Variants in ST6GAL1 observed in about 807,000 individuals in gnomAD.
ST6GAL1 encodes beta-galactoside alpha-2,6-sialyltransferase 1.
In ST6GAL1, 20 loss-of-function variants were observed where a neutral mutation model predicts 38.0. That is an observed-to-expected ratio of 0.53 (90% CI 0.37 to 0.77). The LOEUF is 0.77. ST6GAL1 is among the 30% of genes least tolerant of loss of function. The pLI, the probability that ST6GAL1 is intolerant of heterozygous loss-of-function variation, is 0.00. For missense variants in ST6GAL1, 432 were observed against 496.4 expected, an observed-to-expected ratio of 0.87 and a Z score of 1.23; for synonymous variants, 196 against 188.2, an observed-to-expected ratio of 1.04 and a Z score of -0.34.
chr3:187,045,104 A>C (rs1718249858), intron 4 of ST6GAL1, among the ~76,000 whole-genome samples: 1 of 152,214 alleles, frequency 6.6e-6, no homozygotes, highest in Non-Finnish European at 1.5e-5. Context: ...TTCCTCCTGC[A>C]TCTGGAATTT....
chr3:187,033,166 C>A (rs879738732), intron 2 of ST6GAL1, among the ~76,000 whole-genome samples: 18 of 152,224 alleles, frequency 1.2e-4, no homozygotes, highest in Non-Finnish European at 2.6e-4. Context: ...GTAATCCTAG[C>A]ACTTTGGGAG....
chr3:186,940,198 C>T (rs1714114364), intron 1 of ST6GAL1, among the ~76,000 whole-genome samples: 1 of 152,158 alleles, frequency 6.6e-6, no homozygotes, highest in South Asian at 2.1e-4. Context: ...CAACTCTCAG[C>T]CCTGTGCAGC....
intron 5 of ST6GAL1, chr3:187,064,636 T>A (rs1320406741): frequency 2.2e-6 from 1 of 456,450 alleles, no homozygotes; most frequent in South Asian, 1.5e-5. Context: ...CTCTCTTTTC[T>A]CACCTCCTGT....
intron 2 of ST6GAL1, among the ~76,000 whole-genome samples, chr3:187,032,257 G>A (rs1717777865): frequency 6.6e-6 from 1 of 152,182 alleles, no homozygotes; most frequent in Non-Finnish European, 1.5e-5. Context: ...GGGAGGAAGA[G>A]CTGGGATTGA....
At chr3:186,980,603 C>CAAAAAAAAAAA (rs34503745) in intron 2 of ST6GAL1, among the ~76,000 whole-genome samples, 5 of 92,170 alleles carry the variant, frequency 5.4e-5, no homozygotes, top group Non-Finnish European at 6.2e-5. Flanking sequence ...ACTAAAATTA[C>CAAAAAAAAAAA]AAAAAAAAAA....
chr3:187,076,475 C>T lies in ST6GAL1; in HGVS notation c.*672C>T, dbSNP rs994677633. 8 of 193,532 alleles carry T rather than the reference C, an allele frequency of 4.1e-5. No homozygotes were observed. The highest frequency in any genetic ancestry group is 1.4e-4 in the African/African-American group (6 of 42,918). 12.0% of individuals were successfully genotyped at this position (193,532 alleles called of 1,614,324 possible). A position where few individuals can be genotyped will look rare whatever the true frequency, so the allele number is the denominator to read the frequency against. On this transcript the variant is annotated 3_prime_UTR_variant, in exon 8 of 8. Transcript: ENST00000169298. ...GGTAGAGAAGGATACAGTGTCTATC[C>T]TCAAGTTGCTACGGTTCAGTGAGAG...
chr3:186,971,923 A>G (rs1234062195), intron 2 of ST6GAL1, among the ~76,000 whole-genome samples: 1 of 152,228 alleles, frequency 6.6e-6, no homozygotes, highest in Non-Finnish European at 1.5e-5. Context: ...CATGGCCTCA[A>G]GCCTTCCCTA....
At chr3:186,963,723 TGTATTAAC>T (rs1715005829) in intron 1 of ST6GAL1, 54 bp from the exon 2 acceptor site, 1 of 152,252 alleles carries the variant, frequency 6.6e-6, no homozygotes, top group Non-Finnish European at 1.5e-5. Context: ...TCCTCCTGAA[TGTATTAAC>T]GTATGTGCTT....
At chr3:187,067,492 G>C (rs1415811612) in intron 5 of ST6GAL1, among the ~76,000 whole-genome samples, 1 of 151,270 alleles carries the variant, frequency 6.6e-6, no homozygotes, top group African/African-American at 2.4e-5. Context: ...TTCCAGGAGG[G>C]GAGTGCTTGC....
chr3:187,043,084 G>A lies in ST6GAL1; in HGVS notation c.381G>A (p.Lys127=), dbSNP rs1044698207. 6.2e-7 allele frequency: 1 copy of A among 1,614,192 alleles called. No homozygotes were observed. The highest frequency in any genetic ancestry group is 1.1e-5 in the South Asian group (1 of 91,082). ...LSMNKYKVSY[K]GPGPGIKFSA... Reference sequence around the variant, plus strand: ...TGAACAAGTACAAAGTGTCCTACAAGGGGCCAGGACCAGGCATCAAGTTCA... The same window carrying A: ...TGAACAAGTACAAAGTGTCCTACAAAGGGCCAGGACCAGGCATCAAGTTCA... Residue 127 remains lysine (K), a synonymous_variant, in exon 4 of 8, where the codon AAG becomes AAA. Coordinates refer to ENST00000169298, the MANE Select transcript of ST6GAL1 (RefSeq NM_173216.2).
rs912950727 is a variant in ST6GAL1 at position 186,997,281 on chromosome 3, T to C, written c.-183+33355T>C. ...CAATGACCAGGGTGTCACCCCCTGT[T>C]TTGTAAGTGACAAAACTGTCACTCA... On this transcript the variant is annotated intron_variant, in intron 2 of 7. Transcript: ENST00000169298. Among the ~76,000 whole-genome samples, 4 of 152,068 alleles carry C rather than the reference T, an allele frequency of 2.6e-5. 1 individual carries two copies. The highest frequency in any genetic ancestry group is 9.7e-5 in the African/African-American group (4 of 41,400).
intron 2 of ST6GAL1, chr3:186,996,680 C>G (rs192082019): frequency 6.6e-6 from 1 of 152,268 alleles, no homozygotes; most frequent in African/African-American, 2.4e-5. Flanking sequence ...CCAGGTATCT[C>G]TGGTGACAGG....
chr3:187,040,203 G>T (rs550947816), intron 3 of ST6GAL1, among the ~76,000 whole-genome samples: 1 of 152,326 alleles, frequency 6.6e-6, no homozygotes. Context: ...AATCTGCTGT[G>T]CTTATCTCAC....
At chr3:186,998,529 G>A (rs1472710352) in intron 2 of ST6GAL1, among the ~76,000 whole-genome samples, 1 of 152,136 alleles carries the variant, frequency 6.6e-6, no homozygotes, top group Non-Finnish European at 1.5e-5. Context: ...GGAAGAGGAG[G>A]GATTGGGTTT....
intron 4 of ST6GAL1, among the ~76,000 whole-genome samples, chr3:187,049,282 T>C (rs1340889352): frequency 2.6e-5 from 4 of 152,230 alleles, no homozygotes; most frequent in African/African-American, 7.2e-5. Context: ...GCATTAAAGC[T>C]GAGAAGAAGA....
chr3:186,936,428 T>C (rs1713954443), intron 1 of ST6GAL1, among the ~76,000 whole-genome samples: 1 of 152,182 alleles, frequency 6.6e-6, no homozygotes, highest in South Asian at 2.1e-4. Context: ...TAGAGGCAAA[T>C]GAATTTTTTC....
rs764091061 is a variant in ST6GAL1, at chr3:187,075,846, G to A, written c.*43G>A. 1 of 1,607,094 alleles carries A rather than the reference G, an allele frequency of 6.2e-7. No individual in the cohort carries two copies. Among genetic ancestry groups the A allele is most frequent in the South Asian group, 1.1e-5 (1 of 90,674 alleles). On this transcript the variant is annotated 3_prime_UTR_variant, in exon 8 of 8. Transcript: ENST00000169298. This position sits in a 1 kb window ranked among gnomAD's most constrained non-coding sequence, Gnocchi z 4.1. Reference sequence around the variant, plus strand: ...TTCTCCATCAGGCATTAAATGAATGGTCTCTTGGCCACCCCAGCCTGGGAA... The same window carrying A: ...TTCTCCATCAGGCATTAAATGAATGATCTCTTGGCCACCCCAGCCTGGGAA...
At chr3:187,059,067 C>A (rs7650237) in intron 5 of ST6GAL1, among the ~76,000 whole-genome samples, 15,057 of 152,080 alleles carry the variant, frequency 0.099, 2,505 homozygotes, top group African/African-American at 0.34. Context: ...ATAGCAATAG[C>A]CGGGCACTCC....
intron 2 of ST6GAL1, among the ~76,000 whole-genome samples, chr3:186,996,219 C>G (rs1406779396): frequency 6.6e-6 from 1 of 152,156 alleles, no homozygotes; most frequent in Admixed American, 6.6e-5. Context: ...CCAAGAAACT[C>G]TGTGTATTTG....
Sources: gnomAD v4.1 joint callset for allele counts (sites outside exome capture counted in the v4.1 genomes callset) on GRCh38, gnomAD v4.1.1 for gene constraint, Gnocchi (gnomAD v3.1) non-coding constraint, MANE v1.5 for transcripts, NCBI Gene and HGNC (gene_info 2026-07-23, HGNC 2026-07-21) for gene names.